The following MKKS variants were observed in gnomAD, a reference collection of about 807,000 sequenced individuals.
MKKS encodes molecular chaperone MKKS.
A neutral mutation model predicts 33.2 loss-of-function variants in MKKS; 29 were observed. The observed-to-expected ratio is 0.87, with a 90% CI of 0.65 to 1.19. The LOEUF is 1.19. Among genes scored for constraint, MKKS ranks in the 50% most tolerant of loss-of-function variants. MKKS has a pLI of 0.00. For missense variants in MKKS, 661 were observed against 662.3 expected, an observed-to-expected ratio of 1.00 and a Z score of 0.02; for synonymous variants, 260 against 244.0, an observed-to-expected ratio of 1.07 and a Z score of -0.61.
At position 10,412,720 on chromosome 20, in the gene MKKS, C is replaced by G; in HGVS notation, c.795G>C (p.Gly265=). The change falls in exon 3 of 6, where the codon GGG becomes GGC. Residue 265 remains glycine (G), a synonymous_variant. Coordinates refer to ENST00000347364, the MANE Select transcript of MKKS (RefSeq NM_170784.3). ...CCAAGACTGCATTTTCAAGAGAAAC[C>G]CCATAACTGACCACCACAGTTCCTT... is the stretch of plus-strand genomic sequence containing the variant. The part of the protein sequence containing the change: ...TGEGTVVVSY[G]VSLENAVLDQ... 2 of 1,614,124 alleles carry G rather than the reference C, an allele frequency of 1.2e-6. No individual in the cohort carries two copies. The highest frequency in any genetic ancestry group is 1.7e-6 in the Non-Finnish European group (2 of 1,180,024).
At position 10,413,309 on chromosome 20, in the gene MKKS, A is replaced by T; in HGVS notation, c.206T>A (p.Val69Asp). ...QSSALLSHLL[V>D]THPILKILTA... is the part of the protein sequence containing the mutation. ...CAGGATCTTTAAAATGGGATGTGTGACCAAAAGGTGACTGAGCAGAGCTGA... is the reference window on the plus strand; with the variant it reads ...CAGGATCTTTAAAATGGGATGTGTGTCCAAAAGGTGACTGAGCAGAGCTGA... The change falls in exon 3 of 6, where the codon GTC becomes GAC. Residue 69 changes from valine to aspartate, a missense_variant. Transcript: ENST00000347364. 3 of 1,614,188 alleles carry T rather than the reference A, an allele frequency of 1.9e-6. No homozygotes were observed. In the South Asian group the frequency reaches 3.3e-5, roughly 18 times the overall value.
At chr20:10,419,063 T>A (rs1300098966) in intron 2 of MKKS, among the ~76,000 whole-genome samples, 1 of 152,120 alleles carries the variant, frequency 6.6e-6, no homozygotes, top group African/African-American at 2.4e-5. Context: ...AAATCTTGAT[T>A]TAAAATATTG....
intron 2 of MKKS, among the ~76,000 whole-genome samples, chr20:10,416,467 A>G (rs1197214855): frequency 6.6e-6 from 1 of 152,128 alleles, no homozygotes; most frequent in East Asian, 1.9e-4. Context: ...AAAATGGGAC[A>G]ACTTTAGCAT....
chr20:10,407,050 T>C (rs1315054681), intron 5 of MKKS, among the ~76,000 whole-genome samples: 1 of 152,208 alleles, frequency 6.6e-6, no homozygotes, highest in Non-Finnish European at 1.5e-5. Flanking sequence ...TGGAGTTTCC[T>C]AGACCAATCA....
At chr20:10,409,100 T>A (rs1385335686) in intron 3 of MKKS, among the ~76,000 whole-genome samples, 1 of 152,188 alleles carries the variant, frequency 6.6e-6, no homozygotes, top group Admixed American at 6.5e-5. Context: ...TTTGCATACA[T>A]TTTCAAGGAA....
chr20:10,432,855 T>C (rs1266641541), intron 1 of MKKS, among the ~76,000 whole-genome samples: 1 of 149,734 alleles, frequency 6.7e-6, no homozygotes, highest in Non-Finnish European at 1.5e-5. Flanking sequence ...TCCTTCCATG[T>C]ACCTTAAATA....
At position 10,412,795 on chromosome 20, in the gene MKKS, CT is replaced by C. The variant is rs769297074; in HGVS notation, c.719del (p.Lys240ArgfsTer40). ...LLPIKKSTAL[K>X]VALFCTTLSG... Reference sequence around the variant, plus strand: ...ATAAAGTTGTACAAAAGAGTGCCACCTTGAGGGCAGTTGATTTTTTGATAGG... The same window carrying C: ...ATAAAGTTGTACAAAAGAGTGCCACCTGAGGGCAGTTGATTTTTTGATAGG... On this transcript the variant is annotated frameshift_variant, in exon 3 of 6. Coordinates refer to ENST00000347364, the MANE Select transcript of MKKS (RefSeq NM_170784.3). LOFTEE classifies it high-confidence loss of function. 1 of 1,614,196 alleles carries C rather than the reference CT, an allele frequency of 6.2e-7. No homozygotes were observed. Among genetic ancestry groups the C allele is most frequent in the East Asian group, 2.2e-5 (1 of 44,884 alleles).
rs1201123694 is a variant in MKKS at position 10,413,608 on chromosome 20, T to C, written c.-94A>G. The C allele has an allele frequency of 1.5e-5, 21 of 1,411,182 alleles. No individual in the cohort carries two copies. Among genetic ancestry groups the C allele is most frequent in the Non-Finnish European group, 1.8e-5 (18 of 1,006,888 alleles). 87.4% of individuals were successfully genotyped at this position (1,411,182 alleles called of 1,614,324 possible). On this transcript the variant is annotated 5_prime_UTR_variant, in exon 3 of 6. Coordinates refer to ENST00000347364, the MANE Select transcript of MKKS (RefSeq NM_170784.3). ...TATCACGTTTTAACATTAAAAATTA[T>C]TCTTTAGGAATTAAAGTATGAATAT...
Position 10,401,812 on chromosome 20 carries a change from T to C in MKKS, c.*3435A>G, listed in dbSNP as rs2064812939. On this transcript the variant is annotated 3_prime_UTR_variant, in exon 6 of 6. Coordinates refer to ENST00000347364, the MANE Select transcript of MKKS (RefSeq NM_170784.3). Reference sequence around the variant, plus strand: ...TATAATAAAAGATATTAATGTGATATAGTTTAAATATCTTGTGTAAAATAC... The same window carrying C: ...TATAATAAAAGATATTAATGTGATACAGTTTAAATATCTTGTGTAAAATAC... 1 of 152,210 alleles carries C rather than the reference T, an allele frequency of 6.6e-6. No individual in the cohort carries two copies. The highest frequency in any genetic ancestry group is 6.5e-5 in the Admixed American group (1 of 15,282). 9.4% of individuals were successfully genotyped at this position (152,210 alleles called of 1,614,324 possible).
At chr20:10,424,515 C>T (rs1476455031) in intron 1 of MKKS, among the ~76,000 whole-genome samples, 1 of 151,980 alleles carries the variant, frequency 6.6e-6, no homozygotes, top group Non-Finnish European at 1.5e-5. Flanking sequence ...GCCTGCATAA[C>T]CTCTTCTCAG....
intron 2 of MKKS, among the ~76,000 whole-genome samples, chr20:10,418,119 G>A (rs929800924): frequency 6.6e-6 from 1 of 152,192 alleles, no homozygotes; most frequent in African/African-American, 2.4e-5. Flanking sequence ...TAATGCAAAT[G>A]TGTTTGTGTA....
chr20:10,426,347 T>C (rs2065014550), intron 1 of MKKS, among the ~76,000 whole-genome samples: 1 of 152,216 alleles, frequency 6.6e-6, no homozygotes, highest in Admixed American at 6.5e-5. Context: ...TTGGAGGGCG[T>C]GAGGCACACC....
intron 1 of MKKS, among the ~76,000 whole-genome samples, chr20:10,429,503 G>A (rs142342651): frequency 1.6e-3 from 245 of 151,942 alleles, no homozygotes; most frequent in African/African-American, 5.4e-3. Flanking sequence ...TGAACTAACC[G>A]TCCCCACAAA....
Position 10,412,550 on chromosome 20 carries a change from T to A in MKKS, c.965A>T (p.Glu322Val). 6.2e-7 allele frequency: 1 copy of A among 1,613,976 alleles called. No homozygotes were observed. The highest frequency in any genetic ancestry group is 8.5e-7 in the Non-Finnish European group (1 of 1,179,988). Residue 322 changes from glutamate (E) to valine (V), a missense_variant, in exon 3 of 6, where the codon GAA becomes GTA. By Grantham distance (121) the Glu-to-Val change is moderately radical (BLOSUM62 -2). Coordinates refer to ENST00000347364, the MANE Select transcript of MKKS (RefSeq NM_170784.3). Reference sequence around the variant, plus strand: ...TTTACCTGTCATTTTAGTCAGGGGTTCCATCAGAGTCACTCCAATTCTGTC... The same window carrying A: ...TTTACCTGTCATTTTAGTCAGGGGTACCATCAGAGTCACTCCAATTCTGTC... ...AIDRIGVTLM[E>V]PLTKMTGTQP...
rs2064819113 is a variant in MKKS, at chr20:10,403,111, C to T, written c.*2136G>A. The T allele has an allele frequency of 6.6e-6, 1 of 152,176 alleles. No individual in the cohort carries two copies. The highest frequency in any genetic ancestry group is 6.5e-5 in the Admixed American group (1 of 15,276). 9.4% of individuals were successfully genotyped at this position (152,176 alleles called of 1,614,324 possible). On this transcript the variant is annotated 3_prime_UTR_variant, in exon 6 of 6. Coordinates refer to ENST00000347364, the MANE Select transcript of MKKS (RefSeq NM_170784.3). ...TGTGGTTATTGGTACGATTCAGTTC[C>T]TTTTGAGCTGTTGGCTAGAAGCCTC...
At chr20:10,425,048 C>T (rs1289363449) in intron 1 of MKKS, among the ~76,000 whole-genome samples, 17 of 142,366 alleles carry the variant, frequency 1.2e-4, no homozygotes, top group East Asian at 7.2e-4. Context: ...AGCTAAACTC[C>T]GTCTCAAAAA....
At chr20:10,408,373 T>C (rs1461663059) in intron 4 of MKKS, among the ~76,000 whole-genome samples, 1 of 152,226 alleles carries the variant, frequency 6.6e-6, no homozygotes, top group Non-Finnish European at 1.5e-5. Context: ...TTCAAGCTAA[T>C]TTCTTAGAAA....
In MKKS at chr20:10,404,539, T is replaced by C. The variant is rs2064828007; in HGVS notation, c.*708A>G. 1 of 152,070 alleles carries C rather than the reference T, an allele frequency of 6.6e-6. No homozygotes were observed. Among genetic ancestry groups the C allele is most frequent in the Non-Finnish European group, 1.5e-5 (1 of 68,054 alleles). 9.4% of individuals were successfully genotyped at this position (152,070 alleles called of 1,614,324 possible). ...TAATGCCAAAGTTGAGAAACCCCAG[T>C]GTAAAACAAACCAGTCCTTCTTCCC... On this transcript the variant is annotated 3_prime_UTR_variant, in exon 6 of 6. Transcript: ENST00000347364.
chr20:10,415,881 C>CTGAAAGTG, intron 2 of MKKS, among the ~76,000 whole-genome samples: 1 of 152,118 alleles, frequency 6.6e-6, no homozygotes, highest in Non-Finnish European at 1.5e-5. Context: ...AAAGAAATCA[C>CTGAAAGTG]TGAAAGTGGT....
Sources: allele counts gnomAD v4.1 joint callset (sites outside exome capture counted in the v4.1 genomes callset), GRCh38; gene constraint gnomAD v4.1.1; transcripts MANE v1.5; gene names NCBI Gene and HGNC (gene_info 2026-07-23, HGNC 2026-07-21).